Variants in SMIM35 observed in about 807,000 individuals in gnomAD.
SMIM35 encodes TMPRSS4 antisense RNA 1 (non-protein coding).
rs976576436 is a variant in SMIM35, at chr11:118,086,946, C to G, written c.-189G>C. ...CTGTGGCCGGGCCCCACTCTGCAAG[C>G]TGACGGCAAGCACCTCTGGGTCTCT... On this transcript the variant is annotated 5_prime_UTR_variant, in exon 1 of 5. Transcript: ENST00000689828. 2.0e-5 allele frequency: 3 copies of G among 152,488 alleles called. No homozygotes were observed. The highest frequency in any genetic ancestry group is 6.5e-5 in the Admixed American group (1 of 15,282). 9.4% of individuals were successfully genotyped at this position (152,488 alleles called of 1,614,324 possible).
intron 1 of SMIM35, among the ~76,000 whole-genome samples, chr11:118,028,237 C>T (rs1041510102): frequency 1.3e-5 from 2 of 152,298 alleles, no homozygotes; most frequent in East Asian, 3.9e-4. Flanking sequence ...CACAGGCATG[C>T]TCATTATGAC....
At chr11:118,057,071 C>T (rs754872024) in intron 1 of SMIM35, among the ~76,000 whole-genome samples, 1 of 152,140 alleles carries the variant, frequency 6.6e-6, no homozygotes, top group Non-Finnish European at 1.5e-5. Flanking sequence ...CGAGAGCAGC[C>T]GGAAGCCTCA....
chr11:118,013,016 A>G (rs945077986), intron 4 of SMIM35, among the ~76,000 whole-genome samples: 10 of 152,096 alleles, frequency 6.6e-5, no homozygotes, highest in African/African-American at 2.4e-4. Context: ...GCTTCCTGGG[A>G]TCTAGATTCC....
chr11:118,042,601 A>G (rs1944023082), intron 1 of SMIM35, among the ~76,000 whole-genome samples: 1 of 152,222 alleles, frequency 6.6e-6, no homozygotes, highest in Non-Finnish European at 1.5e-5. Flanking sequence ...TTCCCAACTC[A>G]TTTTATAAGG....
intron 1 of SMIM35, chr11:118,077,081 C>T (rs141791273): frequency 3.7e-6 from 2 of 534,718 alleles, no homozygotes; most frequent in Non-Finnish European, 6.6e-6. Context: ...CCCAATCACT[C>T]CTGGAATACA....
chr11:118,020,829 T>C (rs1243831043), intron 1 of SMIM35, among the ~76,000 whole-genome samples: 1 of 152,208 alleles, frequency 6.6e-6, no homozygotes. Context: ...CTTGTCTAAT[T>C]GTATTGGTTA....
chr11:118,023,935 T>C (rs1428939298), intron 1 of SMIM35, among the ~76,000 whole-genome samples: 1 of 150,866 alleles, frequency 6.6e-6, no homozygotes, highest in African/African-American at 2.4e-5. Flanking sequence ...CTCGGGAGGC[T>C]GAGGAAGGAG....
intron 4 of SMIM35, among the ~76,000 whole-genome samples, chr11:118,008,977 T>C (rs1274248018): frequency 6.6e-6 from 1 of 152,210 alleles, no homozygotes; most frequent in East Asian, 1.9e-4. Context: ...TATGGGGGCC[T>C]GAGACTATCT....
chr11:118,070,429 G>C (rs756588827), intron 1 of SMIM35, among the ~76,000 whole-genome samples: 2 of 152,114 alleles, frequency 1.3e-5, no homozygotes, highest in Admixed American at 1.3e-4. Context: ...CATCTGCCTC[G>C]GCCTCCCAAA....
chr11:118,083,140 A>G (rs1009245356), intron 1 of SMIM35, among the ~76,000 whole-genome samples: 7 of 152,160 alleles, frequency 4.6e-5, no homozygotes, highest in Non-Finnish European at 7.3e-5. Flanking sequence ...TGCCACAGAA[A>G]CCTTCACAAT....
chr11:118,054,119 C>T (rs1441367073), intron 1 of SMIM35, among the ~76,000 whole-genome samples: 2 of 150,652 alleles, frequency 1.3e-5, no homozygotes, highest in Non-Finnish European at 3.0e-5. Flanking sequence ...TTAGAGAGTT[C>T]GAATTTGTTT....
chr11:118,084,139 A>G (rs183110625), intron 1 of SMIM35, among the ~76,000 whole-genome samples: 1 of 152,184 alleles, frequency 6.6e-6, no homozygotes, highest in African/African-American at 2.4e-5. Flanking sequence ...GACTTACTGC[A>G]TCTCTCTTTC....
chr11:118,048,992 A>G (rs1463536298), intron 1 of SMIM35, among the ~76,000 whole-genome samples: 1 of 149,260 alleles, frequency 6.7e-6, no homozygotes. Context: ...TGATTTTGCC[A>G]ATAATCATAA....
At chr11:118,072,089 C>T (rs1167684621) in intron 1 of SMIM35, among the ~76,000 whole-genome samples, 1 of 152,146 alleles carries the variant, frequency 6.6e-6, no homozygotes, top group Non-Finnish European at 1.5e-5. Flanking sequence ...CTGATATCAT[C>T]ATAGAAAATA....
chr11:118,029,940 C>T (rs545347639), intron 1 of SMIM35: 2 of 364,040 alleles, frequency 5.5e-6, no homozygotes, highest in African/African-American at 2.1e-5. Context: ...AATAAATTCT[C>T]TCTGGTAAAA....
At chr11:118,073,793 C>T (rs1343400081) in intron 1 of SMIM35, among the ~76,000 whole-genome samples, 1 of 152,260 alleles carries the variant, frequency 6.6e-6, no homozygotes, top group Non-Finnish European at 1.5e-5. Context: ...TGGGTCAGCC[C>T]TCAGCAGCGC....
chr11:118,050,438 G>A (rs1439028430), intron 1 of SMIM35, among the ~76,000 whole-genome samples: 2 of 152,200 alleles, frequency 1.3e-5, no homozygotes, highest in African/African-American at 4.8e-5. Flanking sequence ...GGTGAGCTGG[G>A]CACTAGCACC....
In SMIM35 at chr11:118,015,707, C is replaced by G. The variant is rs2058176653; in HGVS notation, c.110G>C (p.Gly37Ala). 1 of 399,336 alleles carries G rather than the reference C, an allele frequency of 2.5e-6. No individual in the cohort carries two copies. The highest frequency in any genetic ancestry group is 1.3e-4 in the South Asian group (1 of 7,860). 24.7% of individuals were successfully genotyped at this position (399,336 alleles called of 1,614,324 possible). Reference protein sequence around the residue: ...GYSLAKWYQRGYCWEGPNFVF... With the variant: ...GYSLAKWYQRAYCWEGPNFVF... Reference sequence around the variant, plus strand: ...TGCACACTCACCCTCCCAGCAGTACCCGCGCTGGTACCACTTGGCCAGGCT... The same window carrying G: ...TGCACACTCACCCTCCCAGCAGTACGCGCGCTGGTACCACTTGGCCAGGCT... The change falls in exon 2 of 5, where the codon GGG becomes GCG. Residue 37 changes from glycine to alanine, a missense_variant. Coordinates refer to ENST00000689828, the MANE Select transcript of SMIM35 (RefSeq NM_001394165.1).
rs1307937200 is a variant in SMIM35, at chr11:118,005,574, C to G, written c.*836G>C. ...TCCTTCCTCCCCTAGTCTTCCCCAC[C>G]TGATAAATGGCACCACCTTTCCCCT... On this transcript the variant is annotated 3_prime_UTR_variant, in exon 5 of 5. Coordinates refer to ENST00000689828, the MANE Select transcript of SMIM35 (RefSeq NM_001394165.1). The G allele has an allele frequency of 6.6e-6, 1 of 152,416 alleles. No individual in the cohort carries two copies. Among genetic ancestry groups the G allele is most frequent in the African/African-American group, 2.4e-5 (1 of 41,452 alleles). 9.4% of individuals were successfully genotyped at this position (152,416 alleles called of 1,614,324 possible). A position where few individuals can be genotyped will look rare whatever the true frequency, so the allele number is the denominator to read the frequency against.
Sources: gnomAD v4.1 joint callset for allele counts (sites outside exome capture counted in the v4.1 genomes callset) on GRCh38, gnomAD v4.1.1 for gene constraint, MANE v1.5 for transcripts, NCBI Gene and HGNC (gene_info 2026-07-23, HGNC 2026-07-21) for gene names.